The following MON2 variants were observed in gnomAD, a reference collection of about 807,000 sequenced individuals.
MON2 encodes MON2 regulator of endosome-to-Golgi trafficking, also known as protein MON2 homolog.
A neutral mutation model predicts 208.6 loss-of-function variants in MON2; 84 were observed. That is an observed-to-expected ratio of 0.40 (90% CI 0.34 to 0.48). The LOEUF is 0.48. Ranked by LOEUF, MON2 falls within the 20% of genes least tolerant of loss-of-function variation. The probability of loss-of-function intolerance (pLI) is 0.59; values close to 1 mark genes in which losing one functional copy is unlikely to be tolerated. For synonymous variants in MON2, 660 were observed against 694.0 expected, an observed-to-expected ratio of 0.95 and a Z score of 0.77; for missense variants, 1,611 against 2,015.4, an observed-to-expected ratio of 0.80 and a Z score of 3.84.
At chr12:62,481,877 G>A (rs2069464201) in intron 1 of MON2, among the ~76,000 whole-genome samples, 1 of 152,128 alleles carries the variant, frequency 6.6e-6, no homozygotes, top group Admixed American at 6.5e-5. Flanking sequence ...TTGGTAGAAG[G>A]CTGGATGGAG....
chr12:62,508,263 C>G (rs1429957302), intron 7 of MON2, 23 bp from the exon 8 acceptor site: 1 of 1,571,414 alleles, frequency 6.4e-7, no homozygotes, highest in East Asian at 2.2e-5. Flanking sequence ...TTATTTTTTT[C>G]TTTCTTTTTT....
intron 13 of MON2, 38 bp from the exon 14 acceptor site, chr12:62,535,487 A>C: frequency 1.4e-6 from 2 of 1,430,136 alleles, no homozygotes; most frequent in South Asian, 2.8e-5. Flanking sequence ...GTAATTAAAA[A>C]TAAGTTAATC....
intron 34 of MON2, 77 bp from the exon 35 acceptor site, chr12:62,592,509 A>T: frequency 8.3e-7 from 1 of 1,200,908 alleles, no homozygotes; most frequent in Non-Finnish European, 1.1e-6. Flanking sequence ...CATGCAGTTT[A>T]AAGGATTGTG....
chr12:62,525,066 T>C lies in MON2; in HGVS notation c.1110-18T>C, dbSNP rs1334825688. On this transcript the variant is annotated intron_variant, in intron 9 of 34. Transcript: ENST00000393630. ...TATTCAAATGTTTTTCCCAAAAACCTTTTAAATTATTTTACAGGTCATTTT... is the reference window on the plus strand; with the variant it reads ...TATTCAAATGTTTTTCCCAAAAACCCTTTAAATTATTTTACAGGTCATTTT... 2 of 1,593,806 alleles carry C rather than the reference T, an allele frequency of 1.3e-6. No individual in the cohort carries two copies. Among genetic ancestry groups the C allele is most frequent in the African/African-American group, 1.3e-5 (1 of 74,120 alleles).
intron 11 of MON2, among the ~76,000 whole-genome samples, chr12:62,527,348 A>C (rs752095322): frequency 6.6e-6 from 1 of 152,124 alleles, no homozygotes; most frequent in Non-Finnish European, 1.5e-5. Flanking sequence ...TCCTAGGTAT[A>C]TTTTACCTTA....
Position 62,467,267 on chromosome 12 carries a change from C to T in MON2, c.60C>T (p.Asp20=), listed in dbSNP as rs2135926080. The T allele has an allele frequency of 6.2e-7, 1 of 1,614,090 alleles. No homozygotes were observed. The highest frequency in any genetic ancestry group is 8.5e-7 in the Non-Finnish European group (1 of 1,180,032). The change falls in exon 1 of 35, where the codon GAC becomes GAT. Residue 20 remains aspartate, a synonymous_variant. Coordinates refer to ENST00000393630, the MANE Select transcript of MON2 (RefSeq NM_015026.3). ...AGCTGCTGGAGAATATGCAGAGCGA[C>T]TTGCGCGCCTTGTCACTGGAGTGCA... is the stretch of plus-strand genomic sequence containing the variant. The part of the protein sequence containing the change: ...VKKLLENMQS[D]LRALSLECKK...
In MON2 at chr12:62,535,689, C is replaced by T; in HGVS notation, c.1880C>T (p.Ala627Val). 7.5e-6 allele frequency: 12 copies of T among 1,610,470 alleles called. No homozygotes were observed. Among genetic ancestry groups the T allele is most frequent in the Non-Finnish European group, 9.3e-6 (11 of 1,178,550 alleles). ...YALTVLNTTT[A>V]ATLSNKSYSV... Reference sequence around the variant, plus strand: ...CTTACTGTATTGAATACCACCACTGCAGCTACACTTTCCAACAAATGTAAG... The same window carrying T: ...CTTACTGTATTGAATACCACCACTGTAGCTACACTTTCCAACAAATGTAAG... Residue 627 changes from alanine to valine, a missense_variant, in exon 14 of 35, where the codon GCA becomes GTA. Physicochemically the swap from Ala to Val is moderately conservative, Grantham distance 64. Transcript: ENST00000393630.
chr12:62,555,048 G>A (rs1166713134), intron 24 of MON2, among the ~76,000 whole-genome samples: 2 of 152,102 alleles, frequency 1.3e-5, no homozygotes, highest in East Asian at 3.9e-4. Context: ...CGCCCGCCTC[G>A]GCCTCCCAAA....
Position 62,566,021 on chromosome 12 carries a change from T to A in MON2, c.4184T>A (p.Leu1395Gln). 6.2e-7 allele frequency: 1 copy of A among 1,611,030 alleles called. No homozygotes were observed. The highest frequency in any genetic ancestry group is 8.5e-7 in the Non-Finnish European group (1 of 1,178,428). The change falls in exon 28 of 35, where the codon CTA (leucine) becomes CAA (glutamine). Residue 1395 changes from leucine to glutamine, a missense_variant. By Grantham distance (113) the Leu-to-Gln change is moderately radical (BLOSUM62 -2). Coordinates refer to ENST00000393630, the MANE Select transcript of MON2 (RefSeq NM_015026.3). ...IANAKYNQIQ[L>Q]FAPAEWVALN... ...ACAATGGAATCACAATAGATCCAAC[T>A]ATTTGCACCGGTGAGTTAAATTTCC...
chr12:62,585,856 C>G (rs1217011330), intron 33 of MON2: 1 of 160,594 alleles, frequency 6.2e-6, no homozygotes, highest in Non-Finnish European at 1.4e-5. Flanking sequence ...GATATTATTT[C>G]TCTAAAGTGA....
chr12:62,470,892 G>A, intron 1 of MON2: 1 of 280,938 alleles, frequency 3.6e-6, no homozygotes, highest in South Asian at 1.1e-4. Flanking sequence ...CTTGACAGTT[G>A]GTAGGAAGAA....
At chr12:62,492,381 T>TC (rs2070195752) in intron 2 of MON2, among the ~76,000 whole-genome samples, 1 of 143,298 alleles carries the variant, frequency 7.0e-6, no homozygotes, top group Admixed American at 7.0e-5. Context: ...TTTTTTTTTT[T>TC]TGAGACGGAG....
intron 19 of MON2, among the ~76,000 whole-genome samples, chr12:62,539,336 C>T (rs550343477): frequency 6.6e-5 from 10 of 151,206 alleles, no homozygotes; most frequent in South Asian, 4.2e-4. Context: ...GGCGCAATCT[C>T]GGGTCACTGC....
At chr12:62,558,037 C>T (rs1205590789) in intron 25 of MON2, among the ~76,000 whole-genome samples, 1 of 127,206 alleles carries the variant, frequency 7.9e-6, no homozygotes, top group Non-Finnish European at 1.6e-5. Flanking sequence ...TGCAATGGCA[C>T]GATCTTGGCT....
chr12:62,591,282 G>T (rs1462723899), intron 34 of MON2, among the ~76,000 whole-genome samples: 3 of 152,144 alleles, frequency 2.0e-5, no homozygotes, highest in African/African-American at 7.2e-5. Flanking sequence ...AAGCAGAACA[G>T]CTCCAGCCTG....
Position 62,549,713 on chromosome 12 carries a change from G to T in MON2, c.2799G>T (p.Val933=), listed in dbSNP as rs750494042. The change falls in exon 23 of 35, where the codon GTG becomes GTT. Residue 933 remains valine, a synonymous_variant. Transcript: ENST00000393630. ...RTAFQCLQLV[V]TDFLPTMPCT... is the part of the protein sequence containing the mutation. ...CATTCCAGTGTCTTCAGTTGGTTGTGACAGATTTTCTACCAACAATGCCTT... is the reference window on the plus strand; with the variant it reads ...CATTCCAGTGTCTTCAGTTGGTTGTTACAGATTTTCTACCAACAATGCCTT... The T allele has an allele frequency of 6.2e-7, 1 of 1,612,310 alleles. No homozygotes were observed. Among genetic ancestry groups the T allele is most frequent in the Admixed American group, 1.7e-5 (1 of 59,620 alleles).
In MON2 at chr12:62,498,973, A is replaced by G; in HGVS notation, c.490A>G (p.Thr164Ala). Residue 164 changes from threonine (T) to alanine (A), a missense_variant, in exon 5 of 35, where the codon ACA becomes GCA. Transcript: ENST00000393630. ...HFTKDNITNN[T>A]AAATVRQVVT... ...CACAAAAGATAATATTACAAATAAT[A>G]CAGCTGCTGCTACAGTGCGACAAGT... is the stretch of plus-strand genomic sequence containing the variant. The G allele has an allele frequency of 1.2e-6, 2 of 1,612,298 alleles. No homozygotes were observed. The highest frequency in any genetic ancestry group is 1.7e-5 in the Admixed American group (1 of 59,676).
chr12:62,482,581 A>G (rs1377927837), intron 1 of MON2: 1 of 152,236 alleles, frequency 6.6e-6, no homozygotes, highest in Admixed American at 6.5e-5. Context: ...AGTATAGATA[A>G]CAGTGTATGT....
intron 8 of MON2, among the ~76,000 whole-genome samples, chr12:62,519,235 A>G (rs1180796257): frequency 6.6e-6 from 1 of 152,146 alleles, no homozygotes; most frequent in Non-Finnish European, 1.5e-5. Context: ...TGCCACCTCT[A>G]GCAGCACACC....
Sources: gnomAD v4.1 joint callset for allele counts (sites outside exome capture counted in the v4.1 genomes callset) on GRCh38, gnomAD v4.1.1 for gene constraint, MANE v1.5 for transcripts, NCBI Gene and HGNC (gene_info 2026-07-23, HGNC 2026-07-21) for gene names.